PRKD1: variants seen among roughly 807,000 people sequenced by gnomAD.
PRKD1 encodes the protein serine/threonine-protein kinase D1.
A neutral mutation model predicts 95.9 loss-of-function variants in PRKD1; 63 were observed. The ratio of observed to expected loss-of-function variants is 0.66; its 90% CI spans 0.54 to 0.81. The LOEUF (loss-of-function observed/expected upper bound fraction) is 0.81, where lower values mean the gene tolerates loss of function less well. Ranked by LOEUF, PRKD1 falls within the 30% of genes least tolerant of loss-of-function variation. The pLI, the probability that PRKD1 is intolerant of heterozygous loss-of-function variation, is 0.00. For missense variants in PRKD1, 1,048 were observed against 1,165.3 expected (o/e 0.90, Z 1.47); for synonymous variants, 425 against 423.1 (o/e 1.00, Z -0.05).
At chr14:29,863,705 A>G (rs1243723824) in intron 1 of PRKD1, among the ~76,000 whole-genome samples, 1 of 152,160 alleles carries the variant, frequency 6.6e-6, no homozygotes, top group Non-Finnish European at 1.5e-5. Flanking sequence ...GGAAAATGTG[A>G]CAACCTTCTC....
chr14:29,769,399 T>C (rs1450281724), intron 1 of PRKD1, among the ~76,000 whole-genome samples: 1 of 151,962 alleles, frequency 6.6e-6, no homozygotes, highest in East Asian at 1.9e-4. Flanking sequence ...TGAGACCCCA[T>C]CTCCACAAAA....
intron 2 of PRKD1, among the ~76,000 whole-genome samples, chr14:29,709,389 A>T (rs1370964061): frequency 6.6e-6 from 1 of 152,178 alleles, no homozygotes; most frequent in Non-Finnish European, 1.5e-5. Flanking sequence ...TGATTAACAC[A>T]AATTTCAAGA....
At chr14:29,829,742 A>G (rs1240704553) in intron 1 of PRKD1, among the ~76,000 whole-genome samples, 1 of 152,136 alleles carries the variant, frequency 6.6e-6, no homozygotes, top group Non-Finnish European at 1.5e-5. Context: ...CATTATACAC[A>G]CTTTGAACCA....
At chr14:29,815,805 G>A (rs762793367) in intron 1 of PRKD1, among the ~76,000 whole-genome samples, 1 of 152,032 alleles carries the variant, frequency 6.6e-6, no homozygotes, top group Admixed American at 6.6e-5. Context: ...CATTTATGTC[G>A]ACCAGTTTAA....
At chr14:29,629,700 A>C (rs1879857610) in intron 10 of PRKD1, among the ~76,000 whole-genome samples, 1 of 152,132 alleles carries the variant, frequency 6.6e-6, no homozygotes, top group Admixed American at 6.6e-5. Flanking sequence ...TTCTTCTTTA[A>C]AATTTATCCT....
chr14:29,610,834 C>G (rs1878411853), intron 13 of PRKD1, among the ~76,000 whole-genome samples: 1 of 152,014 alleles, frequency 6.6e-6, no homozygotes, highest in Admixed American at 6.6e-5. Flanking sequence ...AAGAACTGAA[C>G]TCTCAAATCA....
intron 1 of PRKD1, among the ~76,000 whole-genome samples, chr14:29,913,052 T>C (rs1393537711): frequency 1.3e-5 from 2 of 152,248 alleles, no homozygotes; most frequent in Non-Finnish European, 2.9e-5. Context: ...ATATATTACA[T>C]TCAAAGTGAG....
At chr14:29,885,573 C>A (rs1399702986) in intron 1 of PRKD1, among the ~76,000 whole-genome samples, 1 of 151,736 alleles carries the variant, frequency 6.6e-6, no homozygotes, top group Non-Finnish European at 1.5e-5. Flanking sequence ...AAAACTAAAA[C>A]AAAAAATGCT....
At chr14:29,612,466 T>C (rs1344197487) in intron 13 of PRKD1, among the ~76,000 whole-genome samples, 1 of 152,160 alleles carries the variant, frequency 6.6e-6, no homozygotes, top group Non-Finnish European at 1.5e-5. Context: ...GGAGTTAATT[T>C]AGTCCCCAAA....
intron 1 of PRKD1, among the ~76,000 whole-genome samples, chr14:29,889,554 C>A (rs534334824): frequency 1.3e-5 from 2 of 152,262 alleles, no homozygotes; most frequent in East Asian, 1.9e-4. Flanking sequence ...GAATACTAAG[C>A]AGCCACAAAA....
At chr14:29,763,852 A>G (rs1043329667) in intron 1 of PRKD1, among the ~76,000 whole-genome samples, 5 of 152,066 alleles carry the variant, frequency 3.3e-5, no homozygotes, top group Non-Finnish European at 7.4e-5. Context: ...AGCAGCTCCT[A>G]CTTTATTTAG....
chr14:29,815,884 T>C (rs557836970), intron 1 of PRKD1, among the ~76,000 whole-genome samples: 1 of 152,288 alleles, frequency 6.6e-6, no homozygotes, highest in South Asian at 2.1e-4. Context: ...TCTTGCTACC[T>C]TCAATATAGG....
At chr14:29,760,441 C>T (rs148803568) in intron 1 of PRKD1, among the ~76,000 whole-genome samples, 304 of 151,070 alleles carry the variant, frequency 2.0e-3, no homozygotes, top group Non-Finnish European at 3.8e-3. Flanking sequence ...CTGCAACCTC[C>T]GCCTCCTGGG....
chr14:29,896,222 A>G (rs372607089), intron 1 of PRKD1, among the ~76,000 whole-genome samples: 1 of 152,226 alleles, frequency 6.6e-6, no homozygotes, highest in Non-Finnish European at 1.5e-5. Context: ...GAACTAATGA[A>G]AATTTAGGAG....
chr14:29,624,304 C>CTAAA, intron 12 of PRKD1, 46 bp from the exon 13 acceptor site: 1 of 1,401,770 alleles, frequency 7.1e-7, no homozygotes, highest in Non-Finnish European at 9.9e-7. Context: ...TAAATATCAT[C>CTAAA]TATCTTAAAG....
In PRKD1 at chr14:29,630,614, C is replaced by T. The variant is rs1191511289; in HGVS notation, c.1672+128G>A. On this transcript the variant is annotated intron_variant, in intron 10 of 17. Coordinates refer to ENST00000331968, the MANE Select transcript of PRKD1 (RefSeq NM_002742.3). ...TTTTATTTAGACACCCTACATTCTA[C>T]AATAAACTAAGTCATCCCCAAGAAG... is the stretch of plus-strand genomic sequence containing the variant. The T allele has an allele frequency of 1.1e-5, 13 of 1,229,412 alleles. No individual in the cohort carries two copies. In the East Asian group the frequency reaches 3.1e-4, roughly 30 times the overall value. The allele number at this position is 1,229,412 out of a possible 1,614,324, so 76.2% of individuals were successfully genotyped here.
intron 1 of PRKD1, among the ~76,000 whole-genome samples, chr14:29,837,526 C>T (rs1891658047): frequency 6.6e-6 from 1 of 152,066 alleles, no homozygotes; most frequent in Non-Finnish European, 1.5e-5. Context: ...AACTAAAAAC[C>T]TACTTTCAAG....
intron 1 of PRKD1, among the ~76,000 whole-genome samples, chr14:29,911,043 C>T (rs556799464): frequency 6.6e-6 from 1 of 152,164 alleles, no homozygotes; most frequent in South Asian, 2.1e-4. Context: ...AATATCATTA[C>T]TTTTGTGCAT....
chr14:29,786,886 T>C (rs948394850), intron 1 of PRKD1, among the ~76,000 whole-genome samples: 2 of 152,070 alleles, frequency 1.3e-5, no homozygotes, highest in African/African-American at 4.8e-5. Context: ...GATTTGTTTT[T>C]TTCTTGCTTA....
Sources: gnomAD v4.1 joint callset for allele counts (sites outside exome capture counted in the v4.1 genomes callset) on GRCh38, gnomAD v4.1.1 for gene constraint, MANE v1.5 for transcripts, NCBI Gene and HGNC (gene_info 2026-07-23, HGNC 2026-07-21) for gene names.